CMTM4: variants seen among roughly 807,000 people sequenced by gnomAD.
The protein encoded by CMTM4 is CKLF like MARVEL transmembrane domain containing 4.
CMTM4 carries 8 observed loss-of-function variants against 19.0 expected under a neutral mutation model. The observed-to-expected ratio is 0.42, with a 90% CI of 0.25 to 0.76. The LOEUF (loss-of-function observed/expected upper bound fraction) is 0.76, where lower values mean the gene tolerates loss of function less well. Among genes scored for constraint, CMTM4 ranks in the 30% least tolerant of loss-of-function variants. The pLI is 0.27. For synonymous variants in CMTM4, 106 were observed against 121.1 expected (o/e 0.88, Z 0.82); for missense variants, 228 against 290.2 (o/e 0.79, Z 1.56).
intron 1 of CMTM4, among the ~76,000 whole-genome samples, chr16:66,685,802 C>A (rs545468786): frequency 6.6e-6 from 1 of 152,120 alleles, no homozygotes; most frequent in Non-Finnish European, 1.5e-5. Context: ...GGCCACCACA[C>A]CCGGATAATT....
chr16:66,606,063 G>A, the CMTM4 span, among the ~76,000 whole-genome samples: 6 of 151,992 alleles, frequency 3.9e-5, no homozygotes, highest in East Asian at 1.9e-4. Context: ...TAAGAGGGAG[G>A]CATATGTCCA....
In CMTM4 at chr16:66,646,610, C is replaced by T. The variant is rs192372003; in HGVS notation, c.187-10029G>A. Among the ~76,000 whole-genome samples, 893 of 151,964 alleles carry T rather than the reference C, an allele frequency of 5.9e-3. 13 individuals are homozygous for T. Among genetic ancestry groups the T allele is most frequent in the African/African-American group, 0.021 (864 of 41,480 alleles). On this transcript the variant is annotated intron_variant, in intron 1 of 3. Coordinates refer to ENST00000394106, the MANE Select transcript of CMTM4 (RefSeq NM_181521.3). Reference sequence around the variant, plus strand: ...TTTAATTAGAAAAAAAAATTAAATGCCCTATGTATGGACACTTTTTTGAAA... The same window carrying T: ...TTTAATTAGAAAAAAAAATTAAATGTCCTATGTATGGACACTTTTTTGAAA...
the CMTM4 span, among the ~76,000 whole-genome samples, chr16:66,603,250 C>G: frequency 4.6e-5 from 7 of 151,918 alleles, no homozygotes; most frequent in African/African-American, 1.7e-4. Flanking sequence ...CAGTGTGCTT[C>G]TTTGTGTCCT....
At chr16:66,675,075 AT>A (rs1027116046) in intron 1 of CMTM4, among the ~76,000 whole-genome samples, 11 of 142,686 alleles carry the variant, frequency 7.7e-5, no homozygotes, top group South Asian at 2.2e-4. Context: ...ACTTAAAAAA[AT>A]TTTTTTTTTA....
the CMTM4 span, chr16:66,609,270 A>C: frequency 1.6e-6 from 1 of 616,820 alleles, no homozygotes; most frequent in Non-Finnish European, 2.8e-6. This position sits in a 1 kb window ranked among gnomAD's most constrained non-coding sequence, Gnocchi z 4.4. Context: ...CAGCAGAGGC[A>C]CCTCGGGGGT....
At chr16:66,660,714 A>T (rs2016485461) in intron 1 of CMTM4, among the ~76,000 whole-genome samples, 1 of 152,214 alleles carries the variant, frequency 6.6e-6, no homozygotes, top group African/African-American at 2.4e-5. Flanking sequence ...GAAGTAATTT[A>T]AAAACAAGCA....
At chr16:66,639,626 G>A (rs768796171) in intron 1 of CMTM4, among the ~76,000 whole-genome samples, 6 of 152,082 alleles carry the variant, frequency 3.9e-5, no homozygotes, top group Non-Finnish European at 8.8e-5. Flanking sequence ...AATCCCTTTG[G>A]GAGTACAGCA....
chr16:66,651,548 A>G (rs1156642769), intron 1 of CMTM4, among the ~76,000 whole-genome samples: 1 of 152,166 alleles, frequency 6.6e-6, no homozygotes, highest in Non-Finnish European at 1.5e-5. Context: ...TCCCAAAGCT[A>G]GTTCCTCCCC....
intron 2 of CMTM4, among the ~76,000 whole-genome samples, chr16:66,633,120 T>TATATATATATAAATATATATATAA: frequency 8.9e-6 from 1 of 112,634 alleles, no homozygotes; most frequent in African/African-American, 3.1e-5. Context: ...TATATATAAA[T>TATATATATATAAATATATATATAA]ATATATATAT....
the CMTM4 span, chr16:66,604,972 C>G: frequency 6.8e-7 from 1 of 1,475,326 alleles, no homozygotes; most frequent in Non-Finnish European, 8.9e-7. Flanking sequence ...GCGGGACCCT[C>G]GGCCGCCCCG....
chr16:66,612,962 G>C, downstream of CMTM4: 1 of 681,626 alleles, frequency 1.5e-6, no homozygotes, highest in Non-Finnish European at 2.7e-6. This position sits in a 1 kb window ranked among gnomAD's most constrained non-coding sequence, Gnocchi z 6.0. Context: ...GTCTGTATCT[G>C]GGCAGCAGGT....
chr16:66,604,668 G>T, the CMTM4 span: 23 of 601,942 alleles, frequency 3.8e-5, no homozygotes, highest in African/African-American at 9.7e-5. Context: ...GGGCGGGGCG[G>T]GGCGTGGCGG....
At chr16:66,683,202 T>TATATATAC (rs2016971025) in intron 1 of CMTM4, among the ~76,000 whole-genome samples, 2 of 137,170 alleles carry the variant, frequency 1.5e-5, no homozygotes, top group African/African-American at 5.4e-5. Flanking sequence ...TACATATATA[T>TATATATAC]ATATATATAA....
downstream of CMTM4, chr16:66,613,268 G>A (rs2015452657): frequency 3.2e-6 from 2 of 634,720 alleles, no homozygotes; most frequent in Non-Finnish European, 5.7e-6. Flanking sequence ...CATGTCTTCT[G>A]GGGGTGAGAT....
intron 2 of CMTM4, among the ~76,000 whole-genome samples, chr16:66,627,945 TAGG>T (rs752771983): frequency 6.6e-6 from 1 of 152,114 alleles, no homozygotes; most frequent in Non-Finnish European, 1.5e-5. Flanking sequence ...AGGAATGCGG[TAGG>T]AGAACAGGAT....
intron 2 of CMTM4, among the ~76,000 whole-genome samples, chr16:66,627,025 C>T (rs1055720830): frequency 1.3e-5 from 2 of 152,034 alleles, no homozygotes; most frequent in Admixed American, 1.3e-4. Flanking sequence ...ATTGTTTGAG[C>T]CCAGGAGGTC....
In CMTM4 at chr16:66,696,090, C is replaced by T. The variant is rs1596972737; in HGVS notation, c.186+250G>A. On this transcript the variant is annotated intron_variant, in intron 1 of 3. Coordinates refer to ENST00000394106, the MANE Select transcript of CMTM4 (RefSeq NM_181521.3). This position sits in a 1 kb window ranked among gnomAD's most constrained non-coding sequence, Gnocchi z 4.3. ...GCGAGGGCGGAGCGGACAGGTAGGC[C>T]CGAAGGCAGGTGCTCAGGTAGGAGG... 6.6e-6 allele frequency among the ~76,000 whole-genome samples: 1 copy of T among 152,282 alleles called. No homozygotes were observed. The highest frequency in any genetic ancestry group is 2.1e-4 in the South Asian group (1 of 4,830).
downstream of CMTM4, among the ~76,000 whole-genome samples, chr16:66,611,325 C>T (rs573808883): frequency 9.1e-4 from 138 of 152,070 alleles, 1 homozygote; most frequent in African/African-American, 3.1e-3. Flanking sequence ...TGGTGGTGCC[C>T]GCCTGTAATC....
chr16:66,613,299 T>C (rs954595990), downstream of CMTM4: 5 of 602,734 alleles, frequency 8.3e-6, no homozygotes, highest in South Asian at 9.7e-5. Flanking sequence ...GGTCTAAGAC[T>C]GTTTCAAAGA....
Sources: gnomAD v4.1 joint callset for allele counts (sites outside exome capture counted in the v4.1 genomes callset) on GRCh38, gnomAD v4.1.1 for gene constraint, Gnocchi (gnomAD v3.1) non-coding constraint, MANE v1.5 for transcripts, NCBI Gene and HGNC (gene_info 2026-07-23, HGNC 2026-07-21) for gene names.